BRCA1: variants seen among roughly 807,000 people sequenced by gnomAD.
The protein encoded by BRCA1 is breast cancer type 1 susceptibility protein.
In BRCA1, 140 loss-of-function variants were observed where a neutral mutation model predicts 173.7. The observed-to-expected ratio is 0.81, with a 90% CI of 0.70 to 0.93. The LOEUF (loss-of-function observed/expected upper bound fraction) is 0.93, where lower values mean the gene tolerates loss of function less well. Ranked by LOEUF, BRCA1 falls within the 40% of genes least tolerant of loss-of-function variation. The pLI is 0.00. For missense variants in BRCA1, 1,983 were observed against 2,172.5 expected (o/e 0.91, Z 1.73); for synonymous variants, 662 against 756.0 (o/e 0.88, Z 2.04).
intron 1 of BRCA1, among the ~76,000 whole-genome samples, chr17:43,150,361 A>G (rs993909070): frequency 2.0e-5 from 3 of 152,106 alleles, no homozygotes; most frequent in African/African-American, 7.2e-5. Flanking sequence ...ATGCTTGTCA[A>G]AGTGCTGGGA....
rs80357275 is a variant in BRCA1 at position 43,099,867 on chromosome 17, A to G, written c.455T>C (p.Leu152Pro). ...TCCAAGGTTAGAGAGTTGGACACTG[A>G]GACTGGTTTCCTGCTAAACAGTATG... is the stretch of plus-strand genomic sequence containing the variant. Reference protein sequence around the residue: ...PENPSLQETSLSVQLSNLGTV... With the variant: ...PENPSLQETSPSVQLSNLGTV... The change falls in exon 7 of 23, where the codon CTC becomes CCC. Residue 152 changes from leucine to proline, a missense_variant. Transcript: ENST00000357654. 6.2e-6 allele frequency: 10 copies of G among 1,612,714 alleles called. No homozygotes were observed. Among genetic ancestry groups the G allele is most frequent in the African/African-American group, 1.3e-5 (1 of 74,900 alleles).
rs2050786168 is a variant in BRCA1, at chr17:43,044,457, A to G, written c.*1221T>C. On this transcript the variant is annotated 3_prime_UTR_variant, in exon 23 of 23. Transcript: ENST00000357654. The stretch of plus-strand genomic sequence containing the variant: ...CAGTCCTGGATAATGGGTTTATGAA[A>G]AACACTTTTTCTTCCTTCAGCAAGC... 2.0e-6 allele frequency: 1 copy of G among 509,580 alleles called. No homozygotes were observed. The highest frequency in any genetic ancestry group is 2.3e-5 in the Admixed American group (1 of 44,116). The allele number at this position is 509,580 out of a possible 1,614,324, so 31.6% of individuals were successfully genotyped here. A position where few individuals can be genotyped will look rare whatever the true frequency, so the allele number is the denominator to read the frequency against.
Position 43,092,215 on chromosome 17 carries a change from G to C in BRCA1, c.3316C>G (p.Pro1106Ala), listed in dbSNP as rs45599040. The C allele has an allele frequency of 6.2e-7, 1 of 1,613,228 alleles. No individual in the cohort carries two copies. The highest frequency in any genetic ancestry group is 1.6e-4 in the Middle Eastern group (1 of 6,062). Residue 1106 changes from proline (P) to alanine (A), a missense_variant, in exon 10 of 23, where the codon CCT becomes GCT. Physicochemically the swap from Pro to Ala is conservative, Grantham distance 27. Transcript: ENST00000357654. ...TCATATTCTTGCTTTTTTATTTCAG[G>C]ATGCTTACAATTACTTCCAGGAAGA... is the stretch of plus-strand genomic sequence containing the variant. The part of the protein sequence containing the change: ...QSLPGSNCKH[P>A]EIKKQEYEEV...
intron 21 of BRCA1, among the ~76,000 whole-genome samples, chr17:43,048,694 T>C (rs2051049270): frequency 6.6e-6 from 1 of 151,560 alleles, no homozygotes; most frequent in Admixed American, 6.6e-5. Context: ...TTTGTTTTTT[T>C]TTTTTTAGTA....
In BRCA1 at chr17:43,093,004, T is replaced by C. The variant is rs80357435; in HGVS notation, c.2527A>G (p.Thr843Ala). 6 of 1,613,938 alleles carry C rather than the reference T, an allele frequency of 3.7e-6. No individual in the cohort carries two copies. The East Asian group carries it at 1.3e-4, about 36-fold the overall frequency. The change falls in exon 10 of 23, where the codon ACA (threonine) becomes GCA (alanine). Residue 843 changes from threonine (T) to alanine (A), a missense_variant. Thr to Ala is a moderately conservative substitution (Grantham distance 58, BLOSUM62 0). Coordinates refer to ENST00000357654, the MANE Select transcript of BRCA1 (RefSeq NM_007294.4). Reference protein sequence around the residue: ...LGHEVNHSRETSIEMEESELD... With the variant: ...LGHEVNHSREASIEMEESELD... Reference sequence around the variant, plus strand: ...TCACTTTCTTCCATTTCTATGCTTGTTTCCCGACTGTGGTTAACTTCATGT... The same window carrying C: ...TCACTTTCTTCCATTTCTATGCTTGCTTCCCGACTGTGGTTAACTTCATGT...
At chr17:43,085,541 G>A (rs1474296253) in intron 11 of BRCA1, among the ~76,000 whole-genome samples, 3 of 152,110 alleles carry the variant, frequency 2.0e-5, no homozygotes, top group Non-Finnish European at 2.9e-5. Context: ...CACACAAGTT[G>A]TTTTCCTATA....
At chr17:43,145,299 C>A in intron 1 of BRCA1, 1 of 602,978 alleles carries the variant, frequency 1.7e-6, no homozygotes, top group Middle Eastern at 2.9e-4. Flanking sequence ...TGTCTCCCTT[C>A]TTTACAATTC....
chr17:43,051,867 C>T (rs1356745836), intron 19 of BRCA1, among the ~76,000 whole-genome samples: 1 of 152,096 alleles, frequency 6.6e-6, no homozygotes, highest in African/African-American at 2.4e-5. Flanking sequence ...GAACTCCTGA[C>T]CTCGTGATCT....
intron 1 of BRCA1, among the ~76,000 whole-genome samples, chr17:43,137,345 G>A (rs2056034244): frequency 6.6e-6 from 1 of 151,412 alleles, no homozygotes; most frequent in African/African-American, 2.4e-5. Context: ...GTTAACAGGT[G>A]CAGCACACCA....
rs397507212 is a variant in BRCA1 at position 43,092,322 on chromosome 17, G to C, written c.3209C>G (p.Ala1070Gly). ...EIGSSDENIQ[A>G]ELGRNRGPKL... ...TGGCCCTCTGTTTCTACCTAGTTCTGCTTGAATGTTTTCATCACTGGAACC... is the reference window on the plus strand; with the variant it reads ...TGGCCCTCTGTTTCTACCTAGTTCTCCTTGAATGTTTTCATCACTGGAACC... The change falls in exon 10 of 23, where the codon GCA (alanine) becomes GGA (glycine). Residue 1070 changes from alanine (A) to glycine (G), a missense_variant. Physicochemically the swap from Ala to Gly is moderately conservative, Grantham distance 60 (BLOSUM62 0). Transcript: ENST00000357654. 4 of 1,613,810 alleles carry C rather than the reference G, an allele frequency of 2.5e-6. No homozygotes were observed. Among genetic ancestry groups the C allele is most frequent in the Non-Finnish European group, 3.4e-6 (4 of 1,180,004 alleles).
intron 2 of BRCA1, among the ~76,000 whole-genome samples, chr17:43,122,904 A>G (rs534602788): frequency 1.3e-5 from 2 of 151,856 alleles, no homozygotes; most frequent in African/African-American, 4.8e-5. Context: ...AAAAATACAA[A>G]AAATTAGCCG....
chr17:43,095,450 C>T (rs2054091882), intron 9 of BRCA1, among the ~76,000 whole-genome samples: 1 of 151,956 alleles, frequency 6.6e-6, no homozygotes, highest in Admixed American at 6.6e-5. Flanking sequence ...GGTGTGGTGG[C>T]ATGCGCCTGT....
upstream of BRCA1, among the ~76,000 whole-genome samples, chr17:43,126,606 G>A (rs767857463): frequency 3.3e-5 from 5 of 152,232 alleles, no homozygotes; most frequent in South Asian, 1.0e-3. Flanking sequence ...AGAGCCCTTC[G>A]TGTTCTGAGG....
chr17:43,059,302 A>G (rs1299811592), intron 18 of BRCA1, among the ~76,000 whole-genome samples: 2 of 152,140 alleles, frequency 1.3e-5, no homozygotes, highest in Non-Finnish European at 2.9e-5. Context: ...CATCTCTACT[A>G]AAAATACAAG....
In BRCA1 at chr17:43,157,995, C is replaced by CAA. The variant is rs557006036; in HGVS notation, c.-20+12129_-20+12130dup. On this transcript the variant is annotated intron_variant, in intron 1 of 7. Transcript: ENST00000634433. ...GGGCAACAAGAGCGAAACTCTGTCT[C>CAA]AAAAAAAAAAAAAAAAAATATTAAT... Among the ~76,000 whole-genome samples the CAA allele has an allele frequency of 3.9e-3, 258 of 65,918 alleles. 2 individuals are homozygous for CAA. The highest frequency in any genetic ancestry group is 0.011 in the African/African-American group (229 of 21,408). The allele number at this position is 65,918 out of a possible 152,430, so 43.2% of individuals were successfully genotyped here.
intron 12 of BRCA1, among the ~76,000 whole-genome samples, chr17:43,079,938 T>C (rs931634999): frequency 4.6e-5 from 7 of 152,158 alleles, no homozygotes; most frequent in East Asian, 3.8e-4. Context: ...AACAACTCAA[T>C]AGAACCTGAA....
At chr17:43,138,620 G>C in intron 1 of BRCA1, 2 of 761,142 alleles carry the variant, frequency 2.6e-6, no homozygotes, top group South Asian at 2.8e-5. Context: ...CAGAGTGGTG[G>C]CTGCTCATGA....
upstream of BRCA1, among the ~76,000 whole-genome samples, chr17:43,130,387 G>A (rs374729303): frequency 2.0e-5 from 3 of 152,038 alleles, no homozygotes; most frequent in Non-Finnish European, 2.9e-5. Flanking sequence ...TGATCTTGGC[G>A]CACTGCAACC....
chr17:43,117,425 CAG>C, intron 2 of BRCA1, among the ~76,000 whole-genome samples: 1 of 152,066 alleles, frequency 6.6e-6, no homozygotes, highest in Admixed American at 6.6e-5. Context: ...GCCTAGGTGA[CAG>C]AGGAAGACTC....
Sources: gnomAD v4.1 joint callset for allele counts (sites outside exome capture counted in the v4.1 genomes callset) on GRCh38, gnomAD v4.1.1 for gene constraint, MANE v1.5 for transcripts, NCBI Gene and HGNC (gene_info 2026-07-23, HGNC 2026-07-21) for gene names.